Variants in AGT observed in about 807,000 individuals in gnomAD.
AGT encodes alpha-1 antiproteinase, antitrypsin.
Under a neutral mutation model 28.1 loss-of-function variants are expected in AGT, and 26 were observed. The observed-to-expected ratio is 0.92, with a 90% CI of 0.68 to 1.28. The LOEUF (loss-of-function observed/expected upper bound fraction) is 1.28, where lower values mean the gene tolerates loss of function less well. AGT is among the 50% of genes most tolerant of loss of function. AGT has a pLI of 0.00. For missense variants in AGT, 596 were observed against 592.3 expected, an observed-to-expected ratio of 1.01 and a Z score of -0.06; for synonymous variants, 259 against 259.6, an observed-to-expected ratio of 1.00 and a Z score of 0.02.
intron 2 of AGT, among the ~76,000 whole-genome samples, chr1:230,708,075 A>C (rs1663447234): frequency 6.6e-6 from 1 of 152,298 alleles, no homozygotes; most frequent in South Asian, 2.1e-4. Context: ...CGATCTCCTC[A>C]CTGGACAGAC....
At chr1:230,744,848 A>C (rs1664314827) in intron 1 of AGT, among the ~76,000 whole-genome samples, 1 of 152,156 alleles carries the variant, frequency 6.6e-6, no homozygotes, top group Non-Finnish European at 1.5e-5. Context: ...GCTGAAATTT[A>C]CTTCAAGGTC....
intron 2 of AGT, among the ~76,000 whole-genome samples, chr1:230,706,761 A>C (rs1488848921): frequency 6.6e-6 from 1 of 152,006 alleles, no homozygotes; most frequent in African/African-American, 2.4e-5. Flanking sequence ...CGTCCTCAGC[A>C]CTCAAAGTTG....
chr1:230,718,264 A>T (rs1403438674), upstream of AGT, among the ~76,000 whole-genome samples: 1 of 152,082 alleles, frequency 6.6e-6, no homozygotes, highest in Non-Finnish European at 1.5e-5. Flanking sequence ...TTTTTTAATA[A>T]TAATTTTTAT....
At chr1:230,732,113 A>G (rs1664080552) in intron 1 of AGT, among the ~76,000 whole-genome samples, 2 of 152,084 alleles carry the variant, frequency 1.3e-5, no homozygotes, top group South Asian at 4.1e-4. Context: ...ATGAAATTAT[A>G]TTACTTATGT....
At chr1:230,703,690 G>T (rs944711105) in intron 4 of AGT, among the ~76,000 whole-genome samples, 1 of 152,170 alleles carries the variant, frequency 6.6e-6, no homozygotes, top group Admixed American at 6.5e-5. Flanking sequence ...AGCACAGAGG[G>T]CTCTTCCCGC....
rs543539138 is a variant in AGT at position 230,727,112 on chromosome 1, G to A, written c.-30-16259C>T. Among the ~76,000 whole-genome samples the A allele has an allele frequency of 1.4e-4, 22 of 152,216 alleles. 1 individual carries two copies. Among genetic ancestry groups the A allele is most frequent in the Middle Eastern group, 3.4e-3 (1 of 294 alleles). On this transcript the variant is annotated intron_variant, in intron 1 of 4. Coordinates refer to the AGT transcript ENST00000681269. ...GTGGCAGGAAATTAGAACCACAGTG[G>A]GCCTTGGAGAACCCTAAAATCACAC... is the stretch of plus-strand genomic sequence containing the variant.
At chr1:230,720,629 C>T (rs887962851) in intron 1 of AGT, among the ~76,000 whole-genome samples, 2 of 152,246 alleles carry the variant, frequency 1.3e-5, no homozygotes, top group African/African-American at 4.8e-5. Context: ...GTGCTTTCCT[C>T]TGATTGATCC....
chr1:230,736,983 C>T (rs1335615286), intron 1 of AGT, among the ~76,000 whole-genome samples: 1 of 152,154 alleles, frequency 6.6e-6, no homozygotes, highest in Non-Finnish European at 1.5e-5. Flanking sequence ...CCCACTAAGC[C>T]AACCACCCTG....
chr1:230,726,191 A>G (rs1250404746), intron 1 of AGT, among the ~76,000 whole-genome samples: 1 of 152,204 alleles, frequency 6.6e-6, no homozygotes, highest in Non-Finnish European at 1.5e-5. Flanking sequence ...GTTATTGATG[A>G]CTATGTGCCA....
chr1:230,733,851 C>T (rs1390618329), intron 1 of AGT, among the ~76,000 whole-genome samples: 1 of 152,054 alleles, frequency 6.6e-6, no homozygotes, highest in East Asian at 1.9e-4. Flanking sequence ...CAGCCACTTC[C>T]ACGTGGCTGT....
intron 1 of AGT, among the ~76,000 whole-genome samples, chr1:230,731,598 G>A (rs1664067547): frequency 6.6e-6 from 1 of 152,182 alleles, no homozygotes; most frequent in Admixed American, 6.5e-5. Flanking sequence ...AGACACGATG[G>A]CTCACGTCTG....
chr1:230,715,857 C>T (rs1663725681), upstream of AGT, among the ~76,000 whole-genome samples: 1 of 152,184 alleles, frequency 6.6e-6, no homozygotes. Flanking sequence ...GGGAGAGTTT[C>T]CACTGTGCCT....
chr1:230,707,056 C>G (rs748122217), intron 2 of AGT, among the ~76,000 whole-genome samples: 11 of 152,254 alleles, frequency 7.2e-5, no homozygotes, highest in Non-Finnish European at 1.3e-4. Context: ...CTCACACAAC[C>G]TCGTTGTGAT....
upstream of AGT, among the ~76,000 whole-genome samples, chr1:230,718,101 G>T (rs1336627196): frequency 2.0e-5 from 3 of 151,984 alleles, no homozygotes; most frequent in East Asian, 3.9e-4. Context: ...ACCATATCTG[G>T]CTAATTTTTT....
intron 1 of AGT, among the ~76,000 whole-genome samples, chr1:230,727,887 A>T (rs1037455695): frequency 6.6e-6 from 1 of 152,218 alleles, no homozygotes; most frequent in Admixed American, 6.5e-5. Context: ...ATTTATCAAG[A>T]CAGGGGAGTT....
intron 2 of AGT, among the ~76,000 whole-genome samples, chr1:230,707,045 ACT>A (rs1003407899): frequency 5.9e-5 from 9 of 152,208 alleles, no homozygotes; most frequent in Middle Eastern, 3.4e-3. Flanking sequence ...TACTGGGGAG[ACT>A]CACACAACCT....
chr1:230,727,010 A>T (rs1283432396), intron 1 of AGT, among the ~76,000 whole-genome samples: 2 of 152,198 alleles, frequency 1.3e-5, no homozygotes, highest in Non-Finnish European at 2.9e-5. Context: ...GGTCATGTGA[A>T]TGGTGACCTT....
chr1:230,720,559 G>C (rs1663823379), intron 1 of AGT, among the ~76,000 whole-genome samples: 1 of 152,194 alleles, frequency 6.6e-6, no homozygotes, highest in Non-Finnish European at 1.5e-5. Flanking sequence ...TTTAAAGCCT[G>C]AAAGCCAAGC....
chr1:230,709,051 T>C (rs1663479264), intron 2 of AGT, among the ~76,000 whole-genome samples: 1 of 152,162 alleles, frequency 6.6e-6, no homozygotes, highest in Non-Finnish European at 1.5e-5. Context: ...CAAGGCCTGC[T>C]CTCCGCTCCC....
Sources: gnomAD v4.1 joint callset for allele counts (sites outside exome capture counted in the v4.1 genomes callset) on GRCh38, gnomAD v4.1.1 for gene constraint, MANE v1.5 for transcripts, NCBI Gene and HGNC (gene_info 2026-07-23, HGNC 2026-07-21) for gene names.